LPXN: variants seen among roughly 807,000 people sequenced by gnomAD.
LPXN encodes leupaxin.
Under a neutral mutation model 45.6 loss-of-function variants are expected in LPXN, and 28 were observed. The observed-to-expected ratio is 0.61, with a 90% confidence interval of 0.45 to 0.84. LPXN has a LOEUF of 0.84. Ranked by LOEUF, LPXN falls within the 40% of genes least tolerant of loss-of-function variation. The pLI is 0.00. For synonymous variants in LPXN, 166 were observed against 169.9 expected (o/e 0.98, Z 0.18); for missense variants, 459 against 475.0 (o/e 0.97, Z 0.31).
chr11:58,548,990 G>A (rs537114206), intron 7 of LPXN, among the ~76,000 whole-genome samples: 6 of 152,280 alleles, frequency 3.9e-5, no homozygotes, highest in African/African-American at 1.4e-4. Context: ...TTAGGAGTGA[G>A]TGGGGTAATA....
intron 7 of LPXN, among the ~76,000 whole-genome samples, chr11:58,542,048 G>C (rs574336849): frequency 2.3e-4 from 35 of 151,900 alleles, no homozygotes; most frequent in African/African-American, 6.8e-4. Context: ...TGTGGGGTGG[G>C]GGGAGTGGGG....
chr11:58,565,487 T>A (rs1207163097), intron 2 of LPXN, among the ~76,000 whole-genome samples: 1 of 150,644 alleles, frequency 6.6e-6, no homozygotes, highest in African/African-American at 2.4e-5. Context: ...TGAGCTGAGA[T>A]CATGCCACTG....
intron 2 of LPXN, among the ~76,000 whole-genome samples, chr11:58,570,071 A>G (rs1854640261): frequency 6.6e-6 from 1 of 152,184 alleles, no homozygotes; most frequent in South Asian, 2.1e-4. Flanking sequence ...TGGGAGGCCA[A>G]GGCGGGTGAA....
At chr11:58,564,456 A>C (rs922381935) in intron 2 of LPXN, among the ~76,000 whole-genome samples, 2 of 152,244 alleles carry the variant, frequency 1.3e-5, no homozygotes, top group Non-Finnish European at 2.9e-5. Context: ...CCACCCAAAT[A>C]GAGAAGTTGA....
At chr11:58,546,241 A>G (rs998182661) in intron 7 of LPXN, among the ~76,000 whole-genome samples, 6 of 152,220 alleles carry the variant, frequency 3.9e-5, no homozygotes, top group African/African-American at 1.2e-4. Context: ...CATCTTGAAT[A>G]TGATAACATC....
At chr11:58,578,873 C>G (rs931819422), upstream of LPXN, among the ~76,000 whole-genome samples, 1 of 150,826 alleles carries the variant, frequency 6.6e-6, no homozygotes, top group Middle Eastern at 3.2e-3. Flanking sequence ...GGGATTGTCG[C>G]GAGACACAGC....
intron 4 of LPXN, chr11:58,553,950 T>C (rs1854125150): frequency 6.6e-6 from 1 of 152,418 alleles, no homozygotes. Context: ...AGAGCCATAC[T>C]TTGATCTCCC....
chr11:58,533,822 A>G (rs1162782330), intron 7 of LPXN, among the ~76,000 whole-genome samples: 1 of 152,194 alleles, frequency 6.6e-6, no homozygotes, highest in Non-Finnish European at 1.5e-5. Flanking sequence ...AAAGGGATGA[A>G]GGAATATTTA....
Position 58,527,318 on chromosome 11 carries a change from C to A in LPXN, c.*136G>T. Reference sequence around the variant, plus strand: ...CCTAGTCATGTAAAGTCTAGAAGTTCCTTTATTTGCTCATCACCTTTCCTT... The same window carrying A: ...CCTAGTCATGTAAAGTCTAGAAGTTACTTTATTTGCTCATCACCTTTCCTT... On this transcript the variant is annotated 3_prime_UTR_variant, in exon 9 of 9. Coordinates refer to ENST00000395074, the MANE Select transcript of LPXN (RefSeq NM_004811.3). 1.2e-6 allele frequency: 1 copy of A among 804,964 alleles called. No homozygotes were observed. 49.9% of individuals were successfully genotyped at this position (804,964 alleles called of 1,614,324 possible). A position where few individuals can be genotyped will look rare whatever the true frequency, so the allele number is the denominator to read the frequency against.
chr11:58,563,998 C>A (rs1854455424), intron 3 of LPXN, among the ~76,000 whole-genome samples, 157 bp downstream of exon 3: 1 of 152,174 alleles, frequency 6.6e-6, no homozygotes, highest in African/African-American at 2.4e-5. Flanking sequence ...GTCAGCTTCA[C>A]AGAATTCTAC....
In LPXN at chr11:58,528,165, A is replaced by T. The variant is rs1375321069; in HGVS notation, c.769T>A (p.Tyr257Asn). 1 of 1,614,228 alleles carries T rather than the reference A, an allele frequency of 6.2e-7. No individual in the cohort carries two copies. ...ATGGCTAAGAAATCCTTTCGGCAAT[A>T]TGGCTTCTTGTCCTTCTCATGAAAG... ...EGFHEKDKKP[Y>N]CRKDFLAMFS... Residue 257 changes from tyrosine to asparagine, a missense_variant, in exon 8 of 9, where the codon TAT becomes AAT. Physicochemically the swap from Tyr to Asn is moderately radical, Grantham distance 143. Transcript: ENST00000395074.
At chr11:58,546,505 C>G (rs1853879571) in intron 7 of LPXN, among the ~76,000 whole-genome samples, 1 of 152,058 alleles carries the variant, frequency 6.6e-6, no homozygotes, top group African/African-American at 2.4e-5. Context: ...AGCCCATTCC[C>G]CCATCCCCTT....
intron 7 of LPXN, among the ~76,000 whole-genome samples, chr11:58,531,234 G>A (rs146040043): frequency 1.2e-3 from 187 of 152,158 alleles, no homozygotes; most frequent in African/African-American, 4.3e-3. Context: ...GCTTCAGAAG[G>A]TGGGTAATAA....
intron 3 of LPXN, among the ~76,000 whole-genome samples, chr11:58,556,419 A>C (rs1415932610): frequency 6.6e-6 from 1 of 152,134 alleles, no homozygotes; most frequent in Non-Finnish European, 1.5e-5. Flanking sequence ...AGCAAGCCTC[A>C]TAATTATTAA....
Position 58,528,143 on chromosome 11 carries a change from G to T in LPXN, c.791C>A (p.Ala264Asp). The change falls in exon 8 of 9, where the codon GCC (alanine) becomes GAC (aspartate). Residue 264 changes from alanine (A) to aspartate (D), a missense_variant. By Grantham distance (126) the Ala-to-Asp change is moderately radical (BLOSUM62 -2). Coordinates refer to ENST00000395074, the MANE Select transcript of LPXN (RefSeq NM_004811.3). ...KKPYCRKDFL[A>D]MFSPKCGGCN... Reference sequence around the variant, plus strand: ...GCCACCACACTTGGGTGAGAACATGGCTAAGAAATCCTTTCGGCAATATGG... The same window carrying T: ...GCCACCACACTTGGGTGAGAACATGTCTAAGAAATCCTTTCGGCAATATGG... The T allele has an allele frequency of 3.7e-6, 6 of 1,614,194 alleles. No individual in the cohort carries two copies. The highest frequency in any genetic ancestry group is 5.1e-6 in the Non-Finnish European group (6 of 1,180,034).
chr11:58,578,075 G>A (rs1191459887), upstream of LPXN: 3 of 1,549,596 alleles, frequency 1.9e-6, no homozygotes, highest in Admixed American at 2.0e-5. Context: ...CCCAGAGGAG[G>A]TGTCATCTGA....
At chr11:58,540,054 A>C (rs1033693639) in intron 7 of LPXN, among the ~76,000 whole-genome samples, 1 of 152,148 alleles carries the variant, frequency 6.6e-6, no homozygotes, top group African/African-American at 2.4e-5. Flanking sequence ...TACTGCACCC[A>C]CCACCTGAAA....
At chr11:58,562,137 C>T (rs1854396395) in intron 3 of LPXN, among the ~76,000 whole-genome samples, 1 of 152,214 alleles carries the variant, frequency 6.6e-6, no homozygotes, top group Admixed American at 6.5e-5. Context: ...TGACTTATTC[C>T]TCTCGATTAT....
intron 7 of LPXN, among the ~76,000 whole-genome samples, chr11:58,542,742 G>A (rs1853767669): frequency 6.6e-6 from 1 of 151,956 alleles, no homozygotes; most frequent in South Asian, 2.1e-4. Flanking sequence ...ATGAAATTAT[G>A]ATGAAACAAC....
Sources: gnomAD v4.1 joint callset for allele counts (sites outside exome capture counted in the v4.1 genomes callset) on GRCh38, gnomAD v4.1.1 for gene constraint, MANE v1.5 for transcripts, NCBI Gene and HGNC (gene_info 2026-07-23, HGNC 2026-07-21) for gene names.